The following TMTC1 variants were observed in gnomAD, a reference collection of about 807,000 sequenced individuals.
TMTC1 encodes transmembrane O-mannosyltransferase targeting cadherins 1, also known as protein O-mannosyl-transferase TMTC1.
In TMTC1, 73 loss-of-function variants were observed where a neutral mutation model predicts 104.8. That is an observed-to-expected ratio of 0.70 (90% CI 0.58 to 0.85). The LOEUF (loss-of-function observed/expected upper bound fraction) is 0.85, where lower values mean the gene tolerates loss of function less well. TMTC1 is among the 40% of genes least tolerant of loss of function. The pLI is 0.00. For missense variants in TMTC1, 1,035 were observed against 1,096.1 expected (o/e 0.94, Z 0.79); for synonymous variants, 434 against 428.7 (o/e 1.01, Z -0.15).
intron 5 of TMTC1, among the ~76,000 whole-genome samples, chr12:29,670,122 TA>T (rs1457954381): frequency 1.3e-5 from 2 of 152,254 alleles, no homozygotes; most frequent in Non-Finnish European, 2.9e-5. Flanking sequence ...AGTGCACAAG[TA>T]GACGTTTGCA....
intron 12 of TMTC1, among the ~76,000 whole-genome samples, chr12:29,520,379 T>C (rs1254510203): frequency 1.3e-5 from 2 of 152,232 alleles, no homozygotes; most frequent in African/African-American, 4.8e-5. Flanking sequence ...ATCATAAGGC[T>C]ACTTCCTGTC....
At chr12:29,733,848 G>A (rs1565801830) in intron 5 of TMTC1, among the ~76,000 whole-genome samples, 1 of 152,100 alleles carries the variant, frequency 6.6e-6, no homozygotes, top group Non-Finnish European at 1.5e-5. Flanking sequence ...ATATCGCTCT[G>A]CTCATTTTAT....
intron 8 of TMTC1, among the ~76,000 whole-genome samples, chr12:29,582,827 G>A (rs1311034887): frequency 6.6e-6 from 1 of 152,212 alleles, no homozygotes; most frequent in Non-Finnish European, 1.5e-5. Context: ...GGAAGACTGG[G>A]CAAATATTGT....
intron 8 of TMTC1, among the ~76,000 whole-genome samples, chr12:29,579,358 C>T (rs1412706362): frequency 6.6e-6 from 1 of 152,200 alleles, no homozygotes; most frequent in Non-Finnish European, 1.5e-5. Flanking sequence ...ACCCGCAGAG[C>T]TTAAAATATT....
chr12:29,629,612 A>G (rs1938192416), intron 6 of TMTC1, among the ~76,000 whole-genome samples: 1 of 152,178 alleles, frequency 6.6e-6, no homozygotes, highest in Admixed American at 6.5e-5. Context: ...CTATACCCAG[A>G]ATAGGCAAAT....
chr12:29,671,331 TA>T (rs1282226465), intron 5 of TMTC1, among the ~76,000 whole-genome samples: 3 of 125,520 alleles, frequency 2.4e-5, no homozygotes, highest in Non-Finnish European at 4.9e-5. Context: ...AATAAATAAA[TA>T]AAAGAAATAA....
chr12:29,673,251 A>AG (rs5797332), intron 5 of TMTC1, among the ~76,000 whole-genome samples: 84,690 of 151,858 alleles, frequency 0.56, 23,830 homozygotes, highest in African/African-American at 0.64. Context: ...TTGCTTTGAA[A>AG]CTCCTGAGAA....
At chr12:29,605,341 A>G (rs1290839442) in intron 6 of TMTC1, among the ~76,000 whole-genome samples, 4 of 152,078 alleles carry the variant, frequency 2.6e-5, no homozygotes, top group Non-Finnish European at 5.9e-5. Flanking sequence ...ATCTTGGGAT[A>G]CTTGTCACCT....
intron 8 of TMTC1, among the ~76,000 whole-genome samples, chr12:29,580,780 G>C (rs1945957621): frequency 6.6e-6 from 1 of 152,112 alleles, no homozygotes; most frequent in Non-Finnish European, 1.5e-5. Context: ...GCCTGAGTTG[G>C]TCTTAGTCAC....
In TMTC1 at chr12:29,506,021, T is replaced by C. The variant is rs977974571; in HGVS notation, c.*825A>G. The C allele has an allele frequency of 4.8e-5, 7 of 147,250 alleles. No individual in the cohort carries two copies. The highest frequency in any genetic ancestry group is 3.1e-5 in the Non-Finnish European group (2 of 65,064). The allele number at this position is 147,250 out of a possible 1,614,324, so 9.1% of individuals were successfully genotyped here. A position where few individuals can be genotyped will look rare whatever the true frequency, so the allele number is the denominator to read the frequency against. ...TTAATTTTTTATGTAGAATATACTATTTTTTTCTCCACCAAAATAACAATA... is the reference window on the plus strand; with the variant it reads ...TTAATTTTTTATGTAGAATATACTACTTTTTTCTCCACCAAAATAACAATA... On this transcript the variant is annotated 3_prime_UTR_variant, in exon 18 of 18. Transcript: ENST00000539277.
intron 5 of TMTC1, among the ~76,000 whole-genome samples, chr12:29,710,989 T>A (rs1318622531): frequency 7.4e-6 from 1 of 134,462 alleles, no homozygotes; most frequent in Admixed American, 7.9e-5. Flanking sequence ...ATATATATAT[T>A]TTTTCCCCCT....
At chr12:29,603,339 G>T (rs1258148066) in intron 7 of TMTC1, among the ~76,000 whole-genome samples, 2 of 151,750 alleles carry the variant, frequency 1.3e-5, no homozygotes, top group East Asian at 3.9e-4. Flanking sequence ...TAACATTTTG[G>T]TTTATGATAC....
At chr12:29,692,156 T>A (rs1565772971) in intron 5 of TMTC1, among the ~76,000 whole-genome samples, 1 of 145,706 alleles carries the variant, frequency 6.9e-6, no homozygotes, top group Non-Finnish European at 1.5e-5. Flanking sequence ...TACAAGAATA[T>A]GCTTTGGCTT....
chr12:29,580,132 C>T (rs1945936200), intron 8 of TMTC1, among the ~76,000 whole-genome samples: 1 of 152,060 alleles, frequency 6.6e-6, no homozygotes, highest in Non-Finnish European at 1.5e-5. Context: ...GCCTGGGCAA[C>T]ACAGTAATAA....
chr12:29,756,288 T>A (rs1403298740), intron 3 of TMTC1, among the ~76,000 whole-genome samples: 1 of 152,192 alleles, frequency 6.6e-6, no homozygotes, highest in African/African-American at 2.4e-5. Context: ...GCAAGTTGCT[T>A]TACTTCTTGG....
At chr12:29,731,418 A>C (rs2136917098) in intron 5 of TMTC1, among the ~76,000 whole-genome samples, 1 of 152,316 alleles carries the variant, frequency 6.6e-6, no homozygotes, top group African/African-American at 2.4e-5. Flanking sequence ...GGCCTCCCAC[A>C]GTGCTGGAAT....
At chr12:29,664,709 G>T (rs929705814) in intron 5 of TMTC1, among the ~76,000 whole-genome samples, 1 of 152,146 alleles carries the variant, frequency 6.6e-6, no homozygotes, top group Non-Finnish European at 1.5e-5. Flanking sequence ...TAAAGGAGGA[G>T]AACATAAAAC....
chr12:29,754,707 C>G (rs186696358), intron 4 of TMTC1, among the ~76,000 whole-genome samples: 7 of 152,226 alleles, frequency 4.6e-5, no homozygotes, highest in Admixed American at 3.9e-4. Context: ...TTATTTGGCT[C>G]CAAGTTTTTA....
chr12:29,627,905 C>T (rs1343047743), intron 6 of TMTC1, among the ~76,000 whole-genome samples: 1 of 152,094 alleles, frequency 6.6e-6, no homozygotes, highest in Admixed American at 6.6e-5. Context: ...AATGCAATTC[C>T]CATGTGAAAG....
Sources: gnomAD v4.1 joint callset for allele counts (sites outside exome capture counted in the v4.1 genomes callset) on GRCh38, gnomAD v4.1.1 for gene constraint, MANE v1.5 for transcripts, NCBI Gene and HGNC (gene_info 2026-07-23, HGNC 2026-07-21) for gene names.